Variants in DDR2 observed in about 807,000 individuals in gnomAD.
DDR2 encodes the protein discoidin domain-containing receptor 2.
A neutral mutation model predicts 94.9 loss-of-function variants in DDR2; 27 were observed. That is an observed-to-expected ratio of 0.28 (90% CI 0.21 to 0.39). The LOEUF is 0.39. Among genes scored for constraint, DDR2 ranks in the 10% least tolerant of loss-of-function variants. The probability of loss-of-function intolerance (pLI) is 1.00; values close to 1 mark genes in which losing one functional copy is unlikely to be tolerated. For synonymous variants in DDR2, 382 were observed against 377.2 expected (o/e 1.01, Z -0.15); for missense variants, 783 against 1,076.0 (o/e 0.73, Z 3.81).
rs968859931 is a variant in DDR2, at chr1:162,767,144, A to G, written c.1163-85A>G. 11 of 1,582,460 alleles carry G rather than the reference A, an allele frequency of 7.0e-6. No individual in the cohort carries two copies. In the Admixed American group the frequency reaches 1.8e-4, roughly 26 times the overall value. Reference sequence around the variant, plus strand: ...TAATTATCCTCAAGGAACAGGGTCTACCTCCATGTTTCCAGTTCAGTCCCT... The same window carrying G: ...TAATTATCCTCAAGGAACAGGGTCTGCCTCCATGTTTCCAGTTCAGTCCCT... On this transcript the variant is annotated intron_variant, in intron 10 of 17. Transcript: ENST00000367921.
At chr1:162,676,086 T>G (rs557323170) in intron 2 of DDR2, among the ~76,000 whole-genome samples, 2 of 152,130 alleles carry the variant, frequency 1.3e-5, no homozygotes, top group Admixed American at 6.6e-5. Flanking sequence ...TGAAGGTGAT[T>G]TGAAGTGTGT....
rs2102149419 is a variant in DDR2, at chr1:162,759,813, G to A, written c.689G>A (p.Gly230Asp). 1.2e-6 allele frequency: 2 copies of A among 1,614,038 alleles called. No individual in the cohort carries two copies. The highest frequency in any genetic ancestry group is 1.7e-6 in the Non-Finnish European group (2 of 1,180,012). Residue 230 changes from glycine (G) to aspartate (D), a missense_variant, in exon 8 of 18, where the codon GGC (glycine) becomes GAC (aspartate). This residue lies in a region of DDR2 where 519 missense variants were observed against 647.9 expected (regional missense o/e 0.80). Coordinates refer to ENST00000367921, the MANE Select transcript of DDR2 (RefSeq NM_006182.4). ...CTGAGCAGCATGACAGAAGGGCTAG[G>A]CCAATTGACCGATGGTGTGTCTGGC... ...AVGYSMTEGL[G>D]QLTDGVSGLD...
intron 2 of DDR2, among the ~76,000 whole-genome samples, chr1:162,715,045 T>C (rs1037871066): frequency 2.6e-5 from 4 of 152,184 alleles, no homozygotes; most frequent in African/African-American, 9.7e-5. Context: ...ATTGAACCCT[T>C]GGAAAGACTC....
intron 2 of DDR2, among the ~76,000 whole-genome samples, chr1:162,714,871 G>C (rs1661090562): frequency 6.6e-6 from 1 of 152,136 alleles, no homozygotes; most frequent in South Asian, 2.1e-4. Flanking sequence ...GGCTTGACCA[G>C]GGGTGTTTGC....
intron 2 of DDR2, among the ~76,000 whole-genome samples, chr1:162,690,636 A>T (rs1315815899): frequency 1.3e-5 from 2 of 151,148 alleles, no homozygotes; most frequent in East Asian, 3.9e-4. Flanking sequence ...ATCCTTTACA[A>T]AACCCACACA....
At chr1:162,638,566 G>T (rs1476984147) in intron 1 of DDR2, among the ~76,000 whole-genome samples, 1 of 152,126 alleles carries the variant, frequency 6.6e-6, no homozygotes, top group Non-Finnish European at 1.5e-5. Context: ...TGACTACTTG[G>T]GCTTTGTAAA....
intron 1 of DDR2, among the ~76,000 whole-genome samples, chr1:162,641,025 G>A (rs968887561): frequency 6.6e-6 from 1 of 152,100 alleles, no homozygotes; most frequent in East Asian, 1.9e-4. Flanking sequence ...CAAAATGCTA[G>A]TATTACAAAC....
intron 2 of DDR2, among the ~76,000 whole-genome samples, chr1:162,676,041 G>A (rs757374564): frequency 1.5e-4 from 23 of 152,136 alleles, no homozygotes; most frequent in Non-Finnish European, 2.6e-4. Context: ...TGAAAACTGT[G>A]TGTGTGCTTA....
rs537034248 is a variant in DDR2 at position 162,643,965 on chromosome 1, C to T, written c.-191-11246C>T. On this transcript the variant is annotated intron_variant, in intron 1 of 17. Coordinates refer to ENST00000367921, the MANE Select transcript of DDR2 (RefSeq NM_006182.4). ...TCAGAATGGCTCCATATTTGTTACC[C>T]GCAGACTGTACATAAGAAATGAGAC... 1.6e-3 allele frequency among the ~76,000 whole-genome samples: 241 copies of T among 152,190 alleles called. 4 individuals carry two copies. The highest frequency in any genetic ancestry group is 5.2e-3 in the African/African-American group (217 of 41,512).
intron 11 of DDR2, among the ~76,000 whole-genome samples, chr1:162,769,053 T>C (rs1664135092): frequency 6.6e-6 from 1 of 152,238 alleles, no homozygotes; most frequent in Non-Finnish European, 1.5e-5. Context: ...GGGGAAAGTC[T>C]GTGTTCTCTG....
chr1:162,675,110 T>A (rs1659066191), intron 2 of DDR2, among the ~76,000 whole-genome samples: 1 of 151,680 alleles, frequency 6.6e-6, no homozygotes, highest in Admixed American at 6.6e-5. Flanking sequence ...TGAGTCAAGA[T>A]CATGCTATTG....
intron 9 of DDR2, among the ~76,000 whole-genome samples, chr1:162,764,804 G>A (rs542662367): frequency 6.6e-6 from 1 of 151,094 alleles, no homozygotes; most frequent in South Asian, 2.1e-4. Flanking sequence ...TCCAGCCTGG[G>A]TGACAGAGTG....
At chr1:162,675,122 G>A (rs6691289) in intron 2 of DDR2, among the ~76,000 whole-genome samples, 105,382 of 151,696 alleles carry the variant, frequency 0.69, 37,196 homozygotes, top group Middle Eastern at 0.81. Flanking sequence ...ATGCTATTGC[G>A]TTCCAGCCTG....
At chr1:162,707,523 ACAT>A (rs1660716717) in intron 2 of DDR2, among the ~76,000 whole-genome samples, 2 of 152,150 alleles carry the variant, frequency 1.3e-5, no homozygotes, top group Non-Finnish European at 2.9e-5. Context: ...GTCCACTTAT[ACAT>A]CTTCTAATCT....
chr1:162,746,741 A>C (rs772307571), intron 3 of DDR2, among the ~76,000 whole-genome samples: 10 of 152,220 alleles, frequency 6.6e-5, no homozygotes, highest in South Asian at 2.1e-4. Flanking sequence ...CAGACACCTC[A>C]TACAGCTGGG....
intron 2 of DDR2, among the ~76,000 whole-genome samples, chr1:162,707,185 A>G (rs535911862): frequency 6.6e-6 from 1 of 152,230 alleles, no homozygotes; most frequent in Admixed American, 6.5e-5. Context: ...GCTTTGTTCT[A>G]CCATGCCTAA....
intron 9 of DDR2, among the ~76,000 whole-genome samples, chr1:162,764,951 C>T (rs1663922805): frequency 6.6e-6 from 1 of 151,876 alleles, no homozygotes; most frequent in East Asian, 1.9e-4. Flanking sequence ...GAAAATAGAG[C>T]ATATTTTTAG....
At chr1:162,757,089 G>A (rs1417154635) in intron 7 of DDR2, among the ~76,000 whole-genome samples, 1 of 152,088 alleles carries the variant, frequency 6.6e-6, no homozygotes, top group Non-Finnish European at 1.5e-5. Context: ...TGACTGCTCT[G>A]GGGTTCAAAG....
At chr1:162,770,039 T>C (rs1156811563) in intron 11 of DDR2, among the ~76,000 whole-genome samples, 1 of 152,032 alleles carries the variant, frequency 6.6e-6, no homozygotes, top group Admixed American at 6.6e-5. Context: ...AGGGAGATAA[T>C]CTTTTTTTTT....
Sources: gnomAD v4.1 joint callset for allele counts (sites outside exome capture counted in the v4.1 genomes callset) on GRCh38, gnomAD v4.1.1 for gene constraint, gnomAD v4.1.1 regional missense constraint, MANE v1.5 for transcripts, NCBI Gene and HGNC (gene_info 2026-07-23, HGNC 2026-07-21) for gene names.